BTBD8: variants seen among roughly 807,000 people sequenced by gnomAD.
BTBD8 encodes BTB/POZ domain-containing protein 8.
In BTBD8, 110 loss-of-function variants were observed where a neutral mutation model predicts 162.9. The ratio of observed to expected loss-of-function variants is 0.68; its 90% CI spans 0.58 to 0.79. The LOEUF (loss-of-function observed/expected upper bound fraction) is 0.79. Among genes scored for constraint, BTBD8 ranks in the 30% least tolerant of loss-of-function variants. BTBD8 has a pLI of 0.00. For synonymous variants in BTBD8, 667 were observed against 716.1 expected (o/e 0.93, Z 1.10); for missense variants, 1,905 against 2,085.4 (o/e 0.91, Z 1.68).
chr1:92,111,221 G>A (rs1409974855), intron 4 of BTBD8, among the ~76,000 whole-genome samples: 3 of 151,490 alleles, frequency 2.0e-5, no homozygotes, highest in East Asian at 2.0e-4. Context: ...TCAAACTCCT[G>A]ACCTCGAGTA....
At chr1:92,156,332 T>C (rs1650157988) in intron 9 of BTBD8, among the ~76,000 whole-genome samples, 1 of 152,212 alleles carries the variant, frequency 6.6e-6, no homozygotes, top group South Asian at 2.1e-4. Flanking sequence ...CAGTGCTTTG[T>C]TGAGGATTTT....
rs1365463332 is a variant in BTBD8 at position 92,182,502 on chromosome 1, GACTCCTTTC to G, written c.4820_4828del (p.Asp1607_Arg1610delinsGly). On this transcript the variant is annotated inframe_deletion, in exon 17 of 18. Transcript: ENST00000636805. Reference sequence around the variant, plus strand: ...AAAGAACAGCTCTACAAAATCTCTAGACTCCTTTCGGAGTCAAGTTCTGCCTCAGGAAGG... The same window carrying G: ...AAAGAACAGCTCTACAAAATCTCTAGGGAGTCAAGTTCTGCCTCAGGAAGG... 6.5e-7 allele frequency: 1 copy of G among 1,550,222 alleles called. No individual in the cohort carries two copies. Among genetic ancestry groups the G allele is most frequent in the Non-Finnish European group, 8.7e-7 (1 of 1,146,482 alleles).
intron 2 of BTBD8, among the ~76,000 whole-genome samples, chr1:92,095,704 A>G (rs1371555282): frequency 6.6e-6 from 1 of 152,160 alleles, no homozygotes; most frequent in African/African-American, 2.4e-5. Context: ...AGTAATTGCA[A>G]TTGCTATGTA....
At chr1:92,095,245 C>T (rs1289035504) in intron 2 of BTBD8, among the ~76,000 whole-genome samples, 1 of 152,178 alleles carries the variant, frequency 6.6e-6, no homozygotes, top group Non-Finnish European at 1.5e-5. Context: ...AGGGATCACT[C>T]CCATAGGCCA....
At chr1:92,183,300 A>G (rs1441947354) in intron 17 of BTBD8, among the ~76,000 whole-genome samples, 25 of 152,168 alleles carry the variant, frequency 1.6e-4, no homozygotes, top group Admixed American at 1.6e-3. Flanking sequence ...CTGACTGAGT[A>G]GCTATTGTGT....
At position 92,177,127 on chromosome 1, in the gene BTBD8, G is replaced by A. The variant is rs1377824935; in HGVS notation, c.1934G>A (p.Gly645Asp). ...GTAACAAAATCCAAAACAGAAAATG[G>A]TGATAAGGCACGGTTGGAAAACATG... ...KTVTKSKTEN[G>D]DKARLENMSP... Residue 645 changes from glycine to aspartate, a missense_variant, in exon 14 of 18, where the codon GGT (glycine) becomes GAT (aspartate). By Grantham distance (94) the Gly-to-Asp change is moderately conservative. Transcript: ENST00000636805. 4.5e-6 allele frequency: 7 copies of A among 1,551,676 alleles called. No homozygotes were observed. In the East Asian group the frequency reaches 1.7e-4, roughly 38 times the overall value.
In BTBD8 at chr1:92,177,811, C is replaced by T; in HGVS notation, c.2354C>T (p.Ala785Val). Reference protein sequence around the residue: ...SVDSVKNSTVAIKSRPVSRVT... With the variant: ...SVDSVKNSTVVIKSRPVSRVT... ...TGACTCACTTTTTCTTAATTTATAG[C>T]CATAAAATCTCGACCTGTTTCAAGA... The change falls in exon 15 of 18, where the codon GCC becomes GTC. Residue 785 changes from alanine to valine, a missense_variant and splice_region_variant. By Grantham distance (64) the Ala-to-Val change is moderately conservative. Transcript: ENST00000636805. 6.6e-7 allele frequency: 1 copy of T among 1,509,238 alleles called. No individual in the cohort carries two copies. Among genetic ancestry groups the T allele is most frequent in the Non-Finnish European group, 9.0e-7 (1 of 1,110,242 alleles). 93.5% of individuals were successfully genotyped at this position (1,509,238 alleles called of 1,614,324 possible).
At position 92,080,587 on chromosome 1, in the gene BTBD8, G is replaced by A. The variant is rs150446692; in HGVS notation, c.16G>A (p.Glu6Lys). ...TCTGTGAGACATGGCTCGCTGTGGG[G>A]AAGGCAGTGCGGCCCCCATGGTACT... MARCGEGSAAPMVLLG... is the reference protein window; with the variant it reads MARCGKGSAAPMVLLG... Residue 6 changes from glutamate to lysine, a missense_variant, in exon 1 of 18, where the codon GAA (glutamate) becomes AAA (lysine). Coordinates refer to ENST00000636805, the MANE Select transcript of BTBD8 (RefSeq NM_001376131.1). 3.0e-4 allele frequency: 490 copies of A among 1,613,958 alleles called. No homozygotes were observed. The highest frequency in any genetic ancestry group is 3.8e-4 in the Non-Finnish European group (452 of 1,179,972).
chr1:92,147,260 C>T lies in BTBD8; in HGVS notation c.1011C>T (p.Asp337=). ...HSVGVESLFA[D]CMKWIVKHFA... is the part of the protein sequence containing the mutation. ...TTGGAGTGGAAAGTCTTTTTGCTGA[C>T]TGCATGAAGTAAGTTATGTTAAGTA... Residue 337 remains aspartate, a synonymous_variant, in exon 8 of 18, where the codon GAC becomes GAT. Transcript: ENST00000636805. 1 of 1,606,688 alleles carries T rather than the reference C, an allele frequency of 6.2e-7. No homozygotes were observed. Among genetic ancestry groups the T allele is most frequent in the Non-Finnish European group, 8.5e-7 (1 of 1,174,198 alleles).
At chr1:92,110,150 C>T in intron 4 of BTBD8, among the ~76,000 whole-genome samples, 1 of 152,150 alleles carries the variant, frequency 6.6e-6, no homozygotes, top group East Asian at 1.9e-4. Flanking sequence ...CAGCCCAATC[C>T]CCGGAACACT....
chr1:92,109,599 A>AT (rs1485871655), intron 4 of BTBD8, among the ~76,000 whole-genome samples: 8 of 152,222 alleles, frequency 5.3e-5, no homozygotes, highest in Non-Finnish European at 1.2e-4. Flanking sequence ...TAGAAAGACA[A>AT]TAAGTTTTCC....
intron 4 of BTBD8, among the ~76,000 whole-genome samples, chr1:92,120,949 GAC>G (rs1436244688): frequency 2.0e-5 from 3 of 152,168 alleles, no homozygotes; most frequent in Non-Finnish European, 4.4e-5. Flanking sequence ...TTTTAGTAGA[GAC>G]AGGGTTTTGC....
intron 4 of BTBD8, among the ~76,000 whole-genome samples, chr1:92,113,009 A>G (rs1570725058): frequency 6.6e-6 from 1 of 152,364 alleles, no homozygotes; most frequent in East Asian, 1.9e-4. Context: ...GAAGTATTGA[A>G]TAGCAGTGTA....
Position 92,176,849 on chromosome 1 carries a change from C to A in BTBD8, c.1656C>A (p.Asp552Glu). ...SSSQQRKQVS[D>E]SGDIKIKSWR... ...TATAGCAAAGGAAACAAGTTTCTGA[C>A]TCTGGTGATATAAAAATCAAATCTT... The change falls in exon 14 of 18, where the codon GAC (aspartate) becomes GAA (glutamate). Residue 552 changes from aspartate to glutamate, a missense_variant. Transcript: ENST00000636805. The A allele has an allele frequency of 6.9e-7, 1 of 1,442,036 alleles. No homozygotes were observed. Among genetic ancestry groups the A allele is most frequent in the Non-Finnish European group, 9.2e-7 (1 of 1,092,698 alleles). The allele number at this position is 1,442,036 out of a possible 1,614,324, so 89.3% of individuals were successfully genotyped here.
intron 4 of BTBD8, among the ~76,000 whole-genome samples, chr1:92,112,727 G>T (rs1470288904): frequency 2.0e-5 from 3 of 152,076 alleles, no homozygotes; most frequent in Non-Finnish European, 4.4e-5. Context: ...TCAAGAGAAG[G>T]TTAACTTTGC....
At chr1:92,178,105 G>A (rs892979603) in intron 15 of BTBD8, among the ~76,000 whole-genome samples, 1 of 151,972 alleles carries the variant, frequency 6.6e-6, no homozygotes, top group Non-Finnish European at 1.5e-5. Context: ...ATATTAATGT[G>A]TACTATGGCA....
intron 4 of BTBD8, among the ~76,000 whole-genome samples, chr1:92,122,548 C>T (rs948108830): frequency 2.6e-5 from 4 of 151,456 alleles, no homozygotes; most frequent in South Asian, 2.1e-4. Context: ...TGAGCCACCG[C>T]GCCTGGTCTT....
rs999162757 is a variant in BTBD8 at position 92,080,740 on chromosome 1, C to G, written c.149+20C>G. On this transcript the variant is annotated intron_variant, in intron 1 of 17. Coordinates refer to ENST00000636805, the MANE Select transcript of BTBD8 (RefSeq NM_001376131.1). ...GCTCAGGTAGGAGGAGGCGGGAACT[C>G]TGGCTGCTTCAGTTCCTAAATCGCC... 4 of 1,599,728 alleles carry G rather than the reference C, an allele frequency of 2.5e-6. No homozygotes were observed. Among genetic ancestry groups the G allele is most frequent in the Non-Finnish European group, 3.4e-6 (4 of 1,174,372 alleles).
At chr1:92,179,934 A>G (rs1650835387) in intron 16 of BTBD8, among the ~76,000 whole-genome samples, 1 of 152,168 alleles carries the variant, frequency 6.6e-6, no homozygotes, top group Non-Finnish European at 1.5e-5. Context: ...TGATAAAAGA[A>G]AATCCGATTT....
Sources: gnomAD v4.1 joint callset for allele counts (sites outside exome capture counted in the v4.1 genomes callset) on GRCh38, gnomAD v4.1.1 for gene constraint, MANE v1.5 for transcripts, NCBI Gene and HGNC (gene_info 2026-07-23, HGNC 2026-07-21) for gene names.